Variants in NCAM1 observed in about 807,000 individuals in gnomAD.
The protein encoded by NCAM1 is antigen recognized by monoclonal antibody 5.1H11.
A neutral mutation model predicts 109.8 loss-of-function variants in NCAM1; 14 were observed. The ratio of observed to expected loss-of-function variants is 0.13; its 90% CI spans 0.08 to 0.20. The LOEUF (loss-of-function observed/expected upper bound fraction) is 0.20. Among genes scored for constraint, NCAM1 ranks in the 10% least tolerant of loss-of-function variants. The pLI, the probability that NCAM1 is intolerant of heterozygous loss-of-function variation, is 1.00. For missense variants in NCAM1, 774 were observed against 1,109.9 expected, an observed-to-expected ratio of 0.70 and a Z score of 4.30; for synonymous variants, 418 against 442.9, an observed-to-expected ratio of 0.94 and a Z score of 0.70.
chr11:113,163,659 C>T (rs1479848853), intron 1 of NCAM1, among the ~76,000 whole-genome samples: 3 of 152,074 alleles, frequency 2.0e-5, no homozygotes, highest in South Asian at 2.1e-4. Flanking sequence ...GAGGGAAAAC[C>T]GTATGTTGAG....
intron 8 of NCAM1, among the ~76,000 whole-genome samples, chr11:113,217,370 G>A (rs1006133775): frequency 4.6e-5 from 7 of 152,118 alleles, no homozygotes. Flanking sequence ...AAAACTCTCC[G>A]ACTTTCCTCC....
At chr11:113,089,221 G>T (rs1195711179) in intron 1 of NCAM1, among the ~76,000 whole-genome samples, 1 of 152,128 alleles carries the variant, frequency 6.6e-6, no homozygotes, top group Non-Finnish European at 1.5e-5. Context: ...GCTGAGGCAG[G>T]AGAATTGCTT....
intron 14 of NCAM1, among the ~76,000 whole-genome samples, chr11:113,245,136 C>T (rs748457337): frequency 1.3e-5 from 2 of 151,700 alleles, no homozygotes; most frequent in Non-Finnish European, 2.9e-5. Context: ...CTTATCAGTG[C>T]AACCACGATT....
At chr11:113,264,508 G>A in intron 17 of NCAM1, 3 of 985,646 alleles carry the variant, frequency 3.0e-6, no homozygotes, top group South Asian at 4.7e-5. Flanking sequence ...GTGGAGGCAG[G>A]CATGGTTTTT....
chr11:113,091,840 G>C (rs1254315322), intron 1 of NCAM1, among the ~76,000 whole-genome samples: 1 of 152,170 alleles, frequency 6.6e-6, no homozygotes, highest in Non-Finnish European at 1.5e-5. Context: ...AAGTTCTCTG[G>C]TTGCAAAGCC....
chr11:113,205,443 C>A, intron 3 of NCAM1, 80 bp from the exon 4 acceptor site: 1 of 1,519,446 alleles, frequency 6.6e-7, no homozygotes, highest in Non-Finnish European at 8.9e-7. Flanking sequence ...GGACTCAAGT[C>A]CAGGTACCAT....
intron 1 of NCAM1, chr11:113,133,673 CAG>C (rs1243781968): frequency 1.3e-5 from 2 of 151,696 alleles, no homozygotes; most frequent in South Asian, 2.1e-4. Flanking sequence ...GGGAGGAAGT[CAG>C]GGGGGAATCT....
chr11:113,259,373 C>T (rs1945921122), intron 16 of NCAM1, among the ~76,000 whole-genome samples: 1 of 152,184 alleles, frequency 6.6e-6, no homozygotes, highest in African/African-American at 2.4e-5. Flanking sequence ...TTTAACGAAA[C>T]TGGAATCTAC....
intron 1 of NCAM1, among the ~76,000 whole-genome samples, chr11:113,120,464 A>G (rs1940909389): frequency 6.6e-6 from 1 of 152,204 alleles, no homozygotes; most frequent in Non-Finnish European, 1.5e-5. Context: ...AGATATAATC[A>G]TCTGACACTA....
intron 14 of NCAM1, among the ~76,000 whole-genome samples, chr11:113,237,503 G>A (rs1346175146): frequency 3.3e-5 from 5 of 152,222 alleles, no homozygotes; most frequent in African/African-American, 1.2e-4. Context: ...TCAGAGTTGG[G>A]GGATGGAGCC....
chr11:113,134,941 T>G (rs1555099099), intron 1 of NCAM1, among the ~76,000 whole-genome samples: 1 of 152,014 alleles, frequency 6.6e-6, no homozygotes, highest in African/African-American at 2.4e-5. Context: ...CTGTTTTTCC[T>G]CCCACTCATC....
At chr11:113,193,576 C>A (rs1433166480) in intron 1 of NCAM1, among the ~76,000 whole-genome samples, 1 of 151,920 alleles carries the variant, frequency 6.6e-6, no homozygotes, top group African/African-American at 2.4e-5. Flanking sequence ...TCGCTTGAAC[C>A]TGGGAGGCAG....
chr11:113,231,088 T>G lies in NCAM1; in HGVS notation c.1090-557T>G. 4 of 1,133,258 alleles carry G rather than the reference T, an allele frequency of 3.5e-6. No individual in the cohort carries two copies. The South Asian group carries it at 6.0e-5, about 17-fold the overall frequency. 70.2% of individuals were successfully genotyped at this position (1,133,258 alleles called of 1,614,324 possible). On this transcript the variant is annotated intron_variant, in intron 9 of 19. Coordinates refer to ENST00000316851, the MANE Select transcript of NCAM1 (RefSeq NM_181351.5). ...TGATCTTTGAGTTGTTTGGCTTGTT[T>G]TTACATGTGATTATTTCACTTTTAA...
At chr11:113,196,817 A>G (rs907825720) in intron 1 of NCAM1, among the ~76,000 whole-genome samples, 1 of 152,138 alleles carries the variant, frequency 6.6e-6, no homozygotes, top group African/African-American at 2.4e-5. Context: ...TGGTGAAGAG[A>G]CCCTTTATTT....
At chr11:113,083,288 A>G (rs1565425971) in intron 1 of NCAM1, among the ~76,000 whole-genome samples, 1 of 152,204 alleles carries the variant, frequency 6.6e-6, no homozygotes, top group Non-Finnish European at 1.5e-5. Flanking sequence ...ACTCAATTTC[A>G]GAAAATTTAA....
chr11:113,037,568 T>A (rs1322659954), intron 1 of NCAM1, among the ~76,000 whole-genome samples: 1 of 152,196 alleles, frequency 6.6e-6, no homozygotes, highest in Non-Finnish European at 1.5e-5. Context: ...ATATAGGAGT[T>A]CATTTAAGAA....
chr11:113,260,154 C>T lies in NCAM1; in HGVS notation c.1962C>T (p.Ser654=), dbSNP rs782034048. The change falls in exon 17 of 20, where the codon TCC becomes TCT. Residue 654 remains serine, a synonymous_variant. Coordinates refer to ENST00000316851, the MANE Select transcript of NCAM1 (RefSeq NM_181351.5). The part of the protein sequence containing the change: ...HYLVRYRALS[S]EWKPEIRLPS... The stretch of plus-strand genomic sequence containing the variant: ...CCGGTTTCTCCCAGAAGCTCTCCTC[C>T]GAGTGGAAACCAGAGATCAGGCTCC... 40 of 1,610,676 alleles carry T rather than the reference C, an allele frequency of 2.5e-5. No individual in the cohort carries two copies. The highest frequency in any genetic ancestry group is 3.2e-5 in the Non-Finnish European group (38 of 1,178,946).
At chr11:113,157,087 A>G (rs1010787535) in intron 1 of NCAM1, among the ~76,000 whole-genome samples, 4 of 151,870 alleles carry the variant, frequency 2.6e-5, no homozygotes, top group African/African-American at 9.7e-5. Context: ...TTGCAAGGTC[A>G]CCCTAGAGAG....
rs1434065008 is a variant in NCAM1, at chr11:113,206,032, A to G, written c.491-11A>G. 1 of 1,613,912 alleles carries G rather than the reference A, an allele frequency of 6.2e-7. No individual in the cohort carries two copies. Among genetic ancestry groups the G allele is most frequent in the East Asian group, 2.2e-5 (1 of 44,860 alleles). On this transcript the variant is annotated splice_polypyrimidine_tract_variant and intron_variant, in intron 4 of 19. Coordinates refer to ENST00000316851, the MANE Select transcript of NCAM1 (RefSeq NM_181351.5). ...TGATTCTTGGATGAACCTGCCTCTTATCTCTTCTAGTCCGATTCATAGTCC... is the reference window on the plus strand; with the variant it reads ...TGATTCTTGGATGAACCTGCCTCTTGTCTCTTCTAGTCCGATTCATAGTCC...
Sources: allele counts gnomAD v4.1 joint callset (sites outside exome capture counted in the v4.1 genomes callset), GRCh38; gene constraint gnomAD v4.1.1; transcripts MANE v1.5; gene names NCBI Gene and HGNC (gene_info 2026-07-23, HGNC 2026-07-21).